SDK1: variants seen among roughly 807,000 people sequenced by gnomAD.
SDK1 encodes protein sidekick-1.
A neutral mutation model predicts 245.5 loss-of-function variants in SDK1; 157 were observed. The ratio of observed to expected loss-of-function variants is 0.64; its 90% CI spans 0.56 to 0.73. The LOEUF (loss-of-function observed/expected upper bound fraction) is 0.73, where lower values mean the gene tolerates loss of function less well. SDK1 is among the 30% of genes least tolerant of loss of function. The pLI is 0.00. For missense variants in SDK1, 3,583 were observed against 3,002.3 expected (o/e 1.19, Z -4.52); for synonymous variants, 1,647 against 1,278.5 (o/e 1.29, Z -6.15).
At chr7:3,547,675 C>G (rs948849504) in intron 1 of SDK1, among the ~76,000 whole-genome samples, 1 of 152,146 alleles carries the variant, frequency 6.6e-6, no homozygotes, top group African/African-American at 2.4e-5. Flanking sequence ...TTGACTGACT[C>G]TGTAGATCAC....
chr7:4,166,199 C>G (rs1011897346), intron 32 of SDK1, among the ~76,000 whole-genome samples: 1 of 152,256 alleles, frequency 6.6e-6, no homozygotes, highest in Non-Finnish European at 1.5e-5. Context: ...AGGGTTACAT[C>G]TGCCTGGGCA....
At position 4,017,665 on chromosome 7, in the gene SDK1, A is replaced by T. The variant is rs75350077; in HGVS notation, c.2602+313A>T. 9.7e-3 allele frequency among the ~76,000 whole-genome samples: 1,480 copies of T among 152,306 alleles called. 22 individuals carry two copies. Among genetic ancestry groups the T allele is most frequent in the African/African-American group, 0.034 (1,419 of 41,568 alleles). ...GGATTTTTCTAAATGGAATGATTGTAGGTTTTCACAGGAAAGCTGGCTGTG... is the reference window on the plus strand; with the variant it reads ...GGATTTTTCTAAATGGAATGATTGTTGGTTTTCACAGGAAAGCTGGCTGTG... On this transcript the variant is annotated intron_variant, in intron 17 of 44. Transcript: ENST00000404826.
intron 4 of SDK1, among the ~76,000 whole-genome samples, chr7:3,753,064 C>T (rs1049043889): frequency 1.3e-5 from 2 of 152,106 alleles, no homozygotes; most frequent in African/African-American, 4.8e-5. Flanking sequence ...TGAGATCTTT[C>T]AATGTACTGC....
At chr7:4,215,792 A>T (rs1024010930) in intron 38 of SDK1, among the ~76,000 whole-genome samples, 1 of 152,110 alleles carries the variant, frequency 6.6e-6, no homozygotes, top group African/African-American at 2.4e-5. Context: ...GTTCTTAGAC[A>T]ATAGTCAGAG....
chr7:4,007,630 A>G (rs566767487), intron 14 of SDK1, among the ~76,000 whole-genome samples: 1 of 152,126 alleles, frequency 6.6e-6, no homozygotes, highest in South Asian at 2.1e-4. Context: ...TTTGAGACAG[A>G]GTCTTGCTCT....
chr7:4,178,583 G>T lies in SDK1; in HGVS notation c.5095G>T (p.Ala1699Ser), dbSNP rs763254694. 1.2e-6 allele frequency: 2 copies of T among 1,608,692 alleles called. No homozygotes were observed. The highest frequency in any genetic ancestry group is 1.1e-5 in the South Asian group (1 of 91,046). Residue 1699 changes from alanine (A) to serine (S), a missense_variant, in exon 35 of 45, where the codon GCT becomes TCT. Physicochemically the swap from Ala to Ser is moderately conservative, Grantham distance 99. Coordinates refer to ENST00000404826, the MANE Select transcript of SDK1 (RefSeq NM_152744.4). ...GCCCGTGGAGGTCTTTGTCGGCGAG[G>T]CTGGTAAGCTCCGTGCACCCCCAAC... is the stretch of plus-strand genomic sequence containing the variant. ...SAPVEVFVGE[A>S]APAMAPQNVQ...
At chr7:3,871,958 A>G (rs1243119326) in intron 5 of SDK1, among the ~76,000 whole-genome samples, 1 of 152,204 alleles carries the variant, frequency 6.6e-6, no homozygotes, top group Non-Finnish European at 1.5e-5. Flanking sequence ...GATGTCCCAT[A>G]TTTGGTTAAG....
At chr7:3,329,875 G>A (rs1268706216) in intron 1 of SDK1, among the ~76,000 whole-genome samples, 8 of 152,166 alleles carry the variant, frequency 5.3e-5, no homozygotes, top group Admixed American at 3.3e-4. Flanking sequence ...GGTATTATAA[G>A]TAATCTAGCG....
chr7:3,682,787 A>G (rs911543198), intron 4 of SDK1, among the ~76,000 whole-genome samples: 1 of 151,640 alleles, frequency 6.6e-6, no homozygotes. Context: ...GCACTGCCAG[A>G]TCATGCAGTG....
chr7:3,956,461 A>G (rs1781270420), intron 7 of SDK1, among the ~76,000 whole-genome samples: 1 of 152,154 alleles, frequency 6.6e-6, no homozygotes, highest in Non-Finnish European at 1.5e-5. Context: ...ACGGTGGGGA[A>G]GTACTAAGGG....
In SDK1 at chr7:3,891,505, T is replaced by C. The variant is rs190376453; in HGVS notation, c.848-59418T>C. On this transcript the variant is annotated intron_variant, in intron 5 of 44. Transcript: ENST00000404826. ...GTTAATCCAGCCGAAAGTGTAGTTA[T>C]CGATTTGTCCCTTTTGAAGCTGTCC... 7.2e-5 allele frequency among the ~76,000 whole-genome samples: 11 copies of C among 152,314 alleles called. No individual in the cohort carries two copies. The East Asian group carries it at 2.1e-3, about 29-fold the overall frequency.
At chr7:3,991,188 G>A (rs7804855) in intron 14 of SDK1, among the ~76,000 whole-genome samples, 187 of 152,336 alleles carry the variant, frequency 1.2e-3, no homozygotes, top group African/African-American at 4.3e-3. Flanking sequence ...CCAGACGGGC[G>A]ACGAGGGACA....
Position 4,267,476 on chromosome 7 carries a change from A to G in SDK1, c.*2092A>G. ...CCGGATGAGACTCACCACAGTGGACAGTGCCACCTCCTTCCCCTCGGCCCC... is the reference window on the plus strand; with the variant it reads ...CCGGATGAGACTCACCACAGTGGACGGTGCCACCTCCTTCCCCTCGGCCCC... On this transcript the variant is annotated 3_prime_UTR_variant, in exon 45 of 45. Coordinates refer to ENST00000404826, the MANE Select transcript of SDK1 (RefSeq NM_152744.4). 4 of 985,436 alleles carry G rather than the reference A, an allele frequency of 4.1e-6. No individual in the cohort carries two copies. Among genetic ancestry groups the G allele is most frequent in the Non-Finnish European group, 4.8e-6 (4 of 829,938 alleles). The allele number at this position is 985,436 out of a possible 1,614,324, so 61.0% of individuals were successfully genotyped here.
At chr7:3,358,283 A>T (rs1017304211) in intron 1 of SDK1, among the ~76,000 whole-genome samples, 1 of 152,156 alleles carries the variant, frequency 6.6e-6, no homozygotes, top group Non-Finnish European at 1.5e-5. Context: ...CAGCCTCCCA[A>T]AGTGCTGGGA....
chr7:3,871,500 T>G (rs930571149), intron 5 of SDK1, among the ~76,000 whole-genome samples: 1 of 152,214 alleles, frequency 6.6e-6, no homozygotes, highest in Non-Finnish European at 1.5e-5. Flanking sequence ...GGGTGATTTA[T>G]AAAGAAAAGA....
chr7:3,381,906 A>G (rs1399734142), intron 1 of SDK1, among the ~76,000 whole-genome samples: 1 of 152,128 alleles, frequency 6.6e-6, no homozygotes, highest in East Asian at 1.9e-4. Context: ...TTTAGTTGAC[A>G]TTTTTGAATG....
At chr7:3,636,386 T>C (rs1782458031) in intron 2 of SDK1, among the ~76,000 whole-genome samples, 1 of 152,132 alleles carries the variant, frequency 6.6e-6, no homozygotes, top group African/African-American at 2.4e-5. Context: ...CTGTACCCAC[T>C]AGTGGCCACC....
chr7:4,136,951 C>T (rs956131601), intron 28 of SDK1, among the ~76,000 whole-genome samples: 5 of 152,186 alleles, frequency 3.3e-5, no homozygotes, highest in African/African-American at 7.2e-5. Flanking sequence ...CGTCCTGGGG[C>T]GATTCAGTGG....
chr7:3,953,410 A>G (rs1780989013), intron 7 of SDK1, among the ~76,000 whole-genome samples: 1 of 152,226 alleles, frequency 6.6e-6, no homozygotes, highest in Non-Finnish European at 1.5e-5. Context: ...TGTTGATTCT[A>G]CATGAGAGGC....
Sources: gnomAD v4.1 joint callset for allele counts (sites outside exome capture counted in the v4.1 genomes callset) on GRCh38, gnomAD v4.1.1 for gene constraint, MANE v1.5 for transcripts, NCBI Gene and HGNC (gene_info 2026-07-23, HGNC 2026-07-21) for gene names.